TMOD2: variants seen among roughly 807,000 people sequenced by gnomAD.
TMOD2 encodes the protein tropomodulin-2.
In TMOD2, 22 loss-of-function variants were observed where a neutral mutation model predicts 39.9. That is an observed-to-expected ratio of 0.55 (90% CI 0.39 to 0.79). The LOEUF (loss-of-function observed/expected upper bound fraction) is 0.79. Ranked by LOEUF, TMOD2 falls within the 30% of genes least tolerant of loss-of-function variation. The pLI is 0.00. For synonymous variants in TMOD2, 123 were observed against 146.1 expected (o/e 0.84, Z 1.14); for missense variants, 386 against 413.3 (o/e 0.93, Z 0.57).
At chr15:51,789,506 G>C (rs567830633) in intron 7 of TMOD2, among the ~76,000 whole-genome samples, 1 of 152,186 alleles carries the variant, frequency 6.6e-6, no homozygotes, top group Non-Finnish European at 1.5e-5. Context: ...TGGACCAAGT[G>C]GACCTAATAG....
intron 2 of TMOD2, 112 bp from the exon 3 acceptor site, chr15:51,768,150 C>T (rs981104228): frequency 6.6e-5 from 82 of 1,251,360 alleles, no homozygotes; most frequent in South Asian, 9.5e-5. Context: ...GCACATTCTG[C>T]GTAGGTATCC....
In TMOD2 at chr15:51,788,217, G is replaced by A. The variant is rs938213049; in HGVS notation, c.732+5389G>A. Among the ~76,000 whole-genome samples, 3 of 152,098 alleles carry A rather than the reference G, an allele frequency of 2.0e-5. No homozygotes were observed. The East Asian group carries it at 5.8e-4, about 29-fold the overall frequency. On this transcript the variant is annotated intron_variant, in intron 7 of 9. Transcript: ENST00000249700. ...CTGAAAACCACAGTACAAGAACTTCGTAAAGCATACACAAGCTTCAATAGC... is the reference window on the plus strand; with the variant it reads ...CTGAAAACCACAGTACAAGAACTTCATAAAGCATACACAAGCTTCAATAGC...
chr15:51,776,416 T>C (rs17705649), intron 4 of TMOD2, among the ~76,000 whole-genome samples: 2,529 of 152,304 alleles, frequency 0.017, 89 homozygotes, highest in East Asian at 0.072. Context: ...TCAGTACGCT[T>C]AGCTGACCTT....
intron 7 of TMOD2, chr15:51,784,213 A>G (rs977245401): frequency 5.9e-5 from 9 of 152,234 alleles, no homozygotes; most frequent in African/African-American, 2.2e-4. Context: ...AGATTTACAC[A>G]CAATGCCTGG....
At chr15:51,797,153 A>G (rs549463276) in intron 7 of TMOD2, among the ~76,000 whole-genome samples, 1 of 152,228 alleles carries the variant, frequency 6.6e-6, no homozygotes, top group Non-Finnish European at 1.5e-5. Context: ...ATTGCAGGGA[A>G]TACTGTACTT....
chr15:51,778,393 G>A (rs987203536), intron 5 of TMOD2, among the ~76,000 whole-genome samples: 19 of 148,148 alleles, frequency 1.3e-4, no homozygotes, highest in Non-Finnish European at 2.7e-4. Context: ...GCTAAATGAC[G>A]AGTTAATGGG....
chr15:51,789,547 C>T (rs1460539809), intron 7 of TMOD2, among the ~76,000 whole-genome samples: 1 of 152,212 alleles, frequency 6.6e-6, no homozygotes, highest in South Asian at 2.1e-4. Context: ...CCGAAATCAA[C>T]AGAATGTACG....
At chr15:51,772,070 C>T (rs2055857327) in intron 3 of TMOD2, among the ~76,000 whole-genome samples, 1 of 152,160 alleles carries the variant, frequency 6.6e-6, no homozygotes, top group African/African-American at 2.4e-5. Context: ...ACAGGAAATA[C>T]ACAGACCTTG....
At chr15:51,776,091 T>G (rs1020503246) in intron 4 of TMOD2, among the ~76,000 whole-genome samples, 25 of 152,302 alleles carry the variant, frequency 1.6e-4, no homozygotes, top group Non-Finnish European at 3.2e-4. Context: ...AGTCCCCCTC[T>G]TCACCGGGTC....
intron 8 of TMOD2, among the ~76,000 whole-genome samples, chr15:51,802,004 T>A (rs2056093893): frequency 6.6e-6 from 1 of 151,256 alleles, no homozygotes; most frequent in Non-Finnish European, 1.5e-5. Context: ...AATTTAAGTA[T>A]ATATAAAGAC....
intron 1 of TMOD2, among the ~76,000 whole-genome samples, chr15:51,762,652 C>T (rs77956416): frequency 0.031 from 4,747 of 152,190 alleles, 119 homozygotes; most frequent in Non-Finnish European, 0.05. Context: ...TAAACATATG[C>T]AACATCCCCA....
chr15:51,775,381 C>T (rs1001999451), intron 4 of TMOD2, among the ~76,000 whole-genome samples: 1 of 152,030 alleles, frequency 6.6e-6, no homozygotes, highest in Non-Finnish European at 1.5e-5. Flanking sequence ...GATCCATTAG[C>T]CCATTTCACA....
chr15:51,798,628 G>T (rs1470476502), intron 8 of TMOD2, among the ~76,000 whole-genome samples: 2 of 152,230 alleles, frequency 1.3e-5, no homozygotes, highest in Non-Finnish European at 2.9e-5. Flanking sequence ...GGTGGCAGAG[G>T]TGTTGATAGC....
chr15:51,789,766 A>G (rs1408649249), intron 7 of TMOD2, among the ~76,000 whole-genome samples: 2 of 152,218 alleles, frequency 1.3e-5, no homozygotes, highest in Non-Finnish European at 2.9e-5. Context: ...ACTACTGGGT[A>G]AATAACGAAA....
intron 3 of TMOD2, among the ~76,000 whole-genome samples, chr15:51,770,810 A>C (rs2055848594): frequency 6.6e-6 from 1 of 152,218 alleles, no homozygotes; most frequent in South Asian, 2.1e-4. Flanking sequence ...TCTCCAAAAA[A>C]ATAATAAATA....
At chr15:51,766,706 T>C in intron 2 of TMOD2, 139 bp downstream of exon 2, 2 of 900,434 alleles carry the variant, frequency 2.2e-6, no homozygotes, top group Non-Finnish European at 3.3e-6. Context: ...CTGGGTCACC[T>C]GTGTTTACAA....
rs1368706847 is a variant in TMOD2, at chr15:51,811,623, G to T, written c.*3169G>T. On this transcript the variant is annotated 3_prime_UTR_variant, in exon 10 of 10. Transcript: ENST00000249700. ...CTCATCAGCATGATTAAATGACTTC[G>T]TTTCTTTCATCTTTGGAGGGTATAA... 6.6e-6 allele frequency: 1 copy of T among 152,348 alleles called. No homozygotes were observed. The allele number at this position is 152,348 out of a possible 1,614,324, so 9.4% of individuals were successfully genotyped here.
At chr15:51,786,424 A>G (rs1220253761) in intron 7 of TMOD2, among the ~76,000 whole-genome samples, 3 of 152,108 alleles carry the variant, frequency 2.0e-5, no homozygotes, top group Non-Finnish European at 2.9e-5. Flanking sequence ...CATGTTATAA[A>G]TTATTATTCT....
chr15:51,794,643 G>C (rs1158446231), intron 7 of TMOD2, among the ~76,000 whole-genome samples: 2 of 152,210 alleles, frequency 1.3e-5, no homozygotes, highest in African/African-American at 4.8e-5. Flanking sequence ...CACAGCCTCA[G>C]AGATTCCGAT....
Sources: allele counts gnomAD v4.1 joint callset (sites outside exome capture counted in the v4.1 genomes callset), GRCh38; gene constraint gnomAD v4.1.1; transcripts MANE v1.5; gene names NCBI Gene and HGNC (gene_info 2026-07-23, HGNC 2026-07-21).